The following HDLBP variants were observed in gnomAD, a reference collection of about 807,000 sequenced individuals.
HDLBP encodes high density lipoprotein binding protein.
A neutral mutation model predicts 137.3 loss-of-function variants in HDLBP; 30 were observed. The observed-to-expected ratio is 0.22, with a 90% CI of 0.16 to 0.30. HDLBP has a LOEUF of 0.30. Among genes scored for constraint, HDLBP ranks in the 10% least tolerant of loss-of-function variants. The pLI is 1.00. For synonymous variants in HDLBP, 606 were observed against 596.0 expected (o/e 1.02, Z -0.24); for missense variants, 1,119 against 1,667.3 (o/e 0.67, Z 5.73).
intron 1 of HDLBP, among the ~76,000 whole-genome samples, chr2:241,281,295 A>G (rs1270006716): frequency 1.3e-5 from 2 of 152,142 alleles, no homozygotes; most frequent in Non-Finnish European, 2.9e-5. Context: ...CAGAGGTTGC[A>G]GTGAGCCGAG....
rs539933901 is a variant in HDLBP, at chr2:241,295,080, C to G, written c.-103+20490G>C. Among the ~76,000 whole-genome samples, 6 of 151,958 alleles carry G rather than the reference C, an allele frequency of 3.9e-5. 1 individual carries two copies. The highest frequency in any genetic ancestry group is 3.9e-4 in the Admixed American group (6 of 15,262). Reference sequence around the variant, plus strand: ...TTGCACCACTGCACTCCAGCCTGGGCGACAGAGCAAAACTCTGTCTCAAAG... The same window carrying G: ...TTGCACCACTGCACTCCAGCCTGGGGGACAGAGCAAAACTCTGTCTCAAAG... On this transcript the variant is annotated intron_variant, in intron 1 of 27. Transcript: ENST00000310931.
chr2:241,283,818 G>T (rs1256226246), intron 1 of HDLBP, among the ~76,000 whole-genome samples: 1 of 152,108 alleles, frequency 6.6e-6, no homozygotes, highest in Non-Finnish European at 1.5e-5. Flanking sequence ...GCTTCAAAAG[G>T]CTGACTCTCT....
chr2:241,235,713 C>T (rs1228859120), intron 21 of HDLBP, 119 bp from the exon 22 acceptor site: 6 of 659,556 alleles, frequency 9.1e-6, no homozygotes, highest in Middle Eastern at 2.7e-4. Context: ...AGCAATGTGC[C>T]CCACCCGACA....
chr2:241,234,058 G>T, intron 23 of HDLBP, 95 bp from the exon 24 acceptor site: 1 of 1,387,014 alleles, frequency 7.2e-7, no homozygotes, highest in Non-Finnish European at 1.0e-6. Flanking sequence ...CACTGGAGAT[G>T]CTGCAGTGTT....
chr2:241,309,760 AGAG>A (rs1462916749), intron 1 of HDLBP, among the ~76,000 whole-genome samples: 1 of 152,218 alleles, frequency 6.6e-6, no homozygotes, highest in Non-Finnish European at 1.5e-5. Flanking sequence ...CACCAGTTAC[AGAG>A]GAGGGAAACA....
At chr2:241,300,120 A>T (rs2075339456) in intron 1 of HDLBP, among the ~76,000 whole-genome samples, 2 of 152,142 alleles carry the variant, frequency 1.3e-5, no homozygotes, top group South Asian at 4.1e-4. Context: ...TTAAACCACC[A>T]GAAAGCATCA....
intron 17 of HDLBP, 79 bp downstream of exon 17, chr2:241,242,381 G>T: frequency 8.2e-7 from 1 of 1,215,920 alleles, no homozygotes; most frequent in Non-Finnish European, 1.2e-6. Context: ...GCATTCAGGG[G>T]TTTCCACAGT....
chr2:241,254,357 T>C (rs2072447463), intron 9 of HDLBP, among the ~76,000 whole-genome samples: 1 of 152,160 alleles, frequency 6.6e-6, no homozygotes, highest in Non-Finnish European at 1.5e-5. Flanking sequence ...GAATTAAATA[T>C]GATGGTTGGA....
intron 12 of HDLBP, 109 bp downstream of exon 12, chr2:241,249,732 T>C: frequency 9.1e-7 from 1 of 1,100,002 alleles, no homozygotes; most frequent in East Asian, 2.5e-5. Flanking sequence ...AACGTGGGAT[T>C]TGTCGACTTC....
At chr2:241,256,433 C>A in intron 6 of HDLBP, 34 bp from the exon 7 acceptor site, 1 of 1,562,988 alleles carries the variant, frequency 6.4e-7, no homozygotes, top group Non-Finnish European at 8.7e-7. Flanking sequence ...TGAGAACAGG[C>A]CTTTGAAAAC....
chr2:241,302,399 A>C (rs1428492935), intron 1 of HDLBP, among the ~76,000 whole-genome samples: 1 of 152,032 alleles, frequency 6.6e-6, no homozygotes, highest in Non-Finnish European at 1.5e-5. Flanking sequence ...TTTGACAAAA[A>C]AAATAAAAAT....
At position 241,255,677 on chromosome 2, in the gene HDLBP, CA is replaced by C. The variant is rs924432532; in HGVS notation, c.874-98del. On this transcript the variant is annotated intron_variant, in intron 7 of 27. Coordinates refer to ENST00000310931, the MANE Select transcript of HDLBP (RefSeq NM_005336.6). ...CTGCAGAAAGCAAGCCAAAGCGGCC[CA>C]GACTATAGATGCTGATCCCAAGAAG... 3.9e-5 allele frequency: 35 copies of C among 891,626 alleles called. No homozygotes were observed. In the African/African-American group the frequency reaches 4.6e-4, roughly 12 times the overall value. The allele number at this position is 891,626 out of a possible 1,614,324, so 55.2% of individuals were successfully genotyped here.
At position 241,255,075 on chromosome 2, in the gene HDLBP, G is replaced by C. The variant is rs866422932; in HGVS notation, c.1164C>G (p.Ala388=). Residue 388 remains alanine, a synonymous_variant, in exon 9 of 28, where the codon GCC becomes GCG. Transcript: ENST00000310931. ...CCTTTGGCATCTGCTGAGTGATTTTGGCCAGGTTCTGCCCTTTCTTGCCAA... is the reference window on the plus strand; with the variant it reads ...CCTTTGGCATCTGCTGAGTGATTTTCGCCAGGTTCTGCCCTTTCTTGCCAA... ...FIIGKKGQNL[A]KITQQMPKVH... 6.2e-7 allele frequency: 1 copy of C among 1,613,668 alleles called. No individual in the cohort carries two copies. The highest frequency in any genetic ancestry group is 1.1e-5 in the South Asian group (1 of 91,054).
chr2:241,246,455 G>C, intron 16 of HDLBP: 1 of 320,118 alleles, frequency 3.1e-6, no homozygotes. Context: ...TTTTTTAAAG[G>C]AAAGAAAATA....
At chr2:241,257,989 C>CA (rs1291374924) in intron 5 of HDLBP, among the ~76,000 whole-genome samples, 1 of 152,220 alleles carries the variant, frequency 6.6e-6, no homozygotes, top group African/African-American at 2.4e-5. Context: ...ACAGTGATGG[C>CA]ACGCCTGTAA....
At chr2:241,303,958 A>AC (rs2075478713) in intron 1 of HDLBP, among the ~76,000 whole-genome samples, 2 of 152,260 alleles carry the variant, frequency 1.3e-5, no homozygotes, top group South Asian at 4.2e-4. Context: ...ACAAAGGCAC[A>AC]CCACCAGGTC....
At position 241,255,091 on chromosome 2, in the gene HDLBP, T is replaced by C. The variant is rs1431820924; in HGVS notation, c.1148A>G (p.Lys383Arg). 2 of 1,614,042 alleles carry C rather than the reference T, an allele frequency of 1.2e-6. No individual in the cohort carries two copies. Among genetic ancestry groups the C allele is most frequent in the South Asian group, 2.2e-5 (2 of 91,080 alleles). ...SWLHRFIIGK[K>R]GQNLAKITQQ... The stretch of plus-strand genomic sequence containing the variant: ...AGTGATTTTGGCCAGGTTCTGCCCT[T>C]TCTTGCCAATGATGAAACGGTGAAG... The change falls in exon 9 of 28, where the codon AAA (lysine) becomes AGA (arginine). Residue 383 changes from lysine (K) to arginine (R), a missense_variant. Lys to Arg is a conservative substitution (Grantham distance 26). Transcript: ENST00000310931.
chr2:241,313,428 C>T (rs572984687), intron 1 of HDLBP, among the ~76,000 whole-genome samples: 2 of 152,068 alleles, frequency 1.3e-5, no homozygotes, highest in African/African-American at 4.8e-5. Context: ...TACAGGCGCG[C>T]GCCACCATGC....
intron 4 of HDLBP, 114 bp from the exon 5 acceptor site, chr2:241,263,040 CCA>C (rs1204957415): frequency 1.3e-6 from 1 of 777,236 alleles, no homozygotes; most frequent in East Asian, 2.6e-5. Context: ...CCCACCCTGC[CCA>C]CAGGCACTGC....
Sources: gnomAD v4.1 joint callset for allele counts (sites outside exome capture counted in the v4.1 genomes callset) on GRCh38, gnomAD v4.1.1 for gene constraint, MANE v1.5 for transcripts, NCBI Gene and HGNC (gene_info 2026-07-23, HGNC 2026-07-21) for gene names.